The following ZNF320 variants were observed in gnomAD, a reference collection of about 807,000 sequenced individuals.
The protein encoded by ZNF320 is zinc finger protein 320, also known as zinc finger gene 320.
In ZNF320, 2 loss-of-function variants were observed where a neutral mutation model predicts 6.8. That is an observed-to-expected ratio of 0.29 (90% CI 0.12 to 0.93). The LOEUF (loss-of-function observed/expected upper bound fraction) is 0.93. Ranked by LOEUF, ZNF320 falls within the 40% of genes least tolerant of loss-of-function variation. ZNF320 has a pLI of 0.55. For missense variants in ZNF320, 472 were observed against 611.0 expected (o/e 0.77, Z 2.40); for synonymous variants, 208 against 203.2 (o/e 1.02, Z -0.20).
Position 52,880,610 on chromosome 19 carries a change from A to C in ZNF320, c.1516T>G (p.Ser506Ala), listed in dbSNP as rs752761166. Residue 506 changes from serine to alanine, a missense_variant, in exon 6 of 6, where the codon TCA becomes GCA. This residue lies in a region of ZNF320 where 462 missense variants were observed against 559.7 expected (regional missense o/e 0.83). Transcript: ENST00000682928. ...CFKCNEYSKP[S>A]SIN ...TGACTCTGATGTCAATTAATGCTTG[A>C]TGGTTTGCTATACTCATTGCACTTG... The C allele has an allele frequency of 6.2e-7, 1 of 1,600,314 alleles. No individual in the cohort carries two copies. Among genetic ancestry groups the C allele is most frequent in the African/African-American group, 1.3e-5 (1 of 74,520 alleles).
chr19:52,890,335 G>C lies in ZNF320; in HGVS notation c.-73-7C>G. 1 of 1,542,352 alleles carries C rather than the reference G, an allele frequency of 6.5e-7. No individual in the cohort carries two copies. Among genetic ancestry groups the C allele is most frequent in the Non-Finnish European group, 8.8e-7 (1 of 1,133,130 alleles). ...GAGTCTTTAGAAGTCAATCCTAAATGTTAGAAATATGTTGTTTATCACTGA... is the reference window on the plus strand; with the variant it reads ...GAGTCTTTAGAAGTCAATCCTAAATCTTAGAAATATGTTGTTTATCACTGA... On this transcript the variant is annotated splice_polypyrimidine_tract_variant and splice_region_variant and intron_variant, in intron 3 of 5. Coordinates refer to ENST00000682928, the MANE Select transcript of ZNF320 (RefSeq NM_001351774.2).
intron 2 of ZNF320, 92 bp downstream of exon 2, chr19:52,893,687 A>G (rs866174705): frequency 6.6e-6 from 1 of 152,232 alleles, no homozygotes; most frequent in Non-Finnish European, 1.5e-5. Flanking sequence ...ACTTCTGCAC[A>G]TACTTCAAAT....
At chr19:52,874,187 C>T (rs1221211488), downstream of ZNF320, 1 of 207,812 alleles carries the variant, frequency 4.8e-6, no homozygotes, top group Non-Finnish European at 9.9e-6. Flanking sequence ...CTGCTGCCCA[C>T]TACACCAGAG....
intron 5 of ZNF320, among the ~76,000 whole-genome samples, chr19:52,866,987 T>C (rs1440928483): frequency 6.6e-6 from 1 of 151,956 alleles, no homozygotes; most frequent in Non-Finnish European, 1.5e-5. Context: ...TATACACATA[T>C]TGCCCTTAGT....
rs2063862074 is a variant in ZNF320, at chr19:52,879,903, A to G, written c.*693T>C. 6.6e-6 allele frequency: 1 copy of G among 152,268 alleles called. No homozygotes were observed. Among genetic ancestry groups the G allele is most frequent in the African/African-American group, 2.4e-5 (1 of 41,476 alleles). The allele number at this position is 152,268 out of a possible 1,614,324, so 9.4% of individuals were successfully genotyped here. A position where few individuals can be genotyped will look rare whatever the true frequency, so the allele number is the denominator to read the frequency against. ...AAAAAGTTGAGAAGTTTCTACCTTCAAATCTACAAACATTGATCAAAGTGA... is the reference window on the plus strand; with the variant it reads ...AAAAAGTTGAGAAGTTTCTACCTTCGAATCTACAAACATTGATCAAAGTGA... On this transcript the variant is annotated 3_prime_UTR_variant, in exon 6 of 6. Coordinates refer to ENST00000682928, the MANE Select transcript of ZNF320 (RefSeq NM_001351774.2).
At chr19:52,896,134 C>T (rs2064463995) in intron 1 of ZNF320, among the ~76,000 whole-genome samples, 1 of 152,078 alleles carries the variant, frequency 6.6e-6, no homozygotes, top group South Asian at 2.1e-4. Context: ...CTCTGTCACC[C>T]CAGGCTGGAG....
intron 5 of ZNF320, chr19:52,864,196 A>G (rs750789025): frequency 4.7e-6 from 1 of 212,724 alleles, no homozygotes. Flanking sequence ...AACATTATGG[A>G]GGCGTTATCA....
rs2063905858 is a variant in ZNF320, at chr19:52,881,160, A to T, written c.966T>A (p.Val322=). ...QRATLAGHRR[V]HTGEKPYRCE... ...ATCTGTAAGGTTTCTCTCCAGTGTGAACTCTACGATGTCCTGCAAGAGTTG... is the reference window on the plus strand; with the variant it reads ...ATCTGTAAGGTTTCTCTCCAGTGTGTACTCTACGATGTCCTGCAAGAGTTG... Residue 322 remains valine (V), a synonymous_variant, in exon 6 of 6, where the codon GTT becomes GTA. Transcript: ENST00000682928. 1 of 1,613,990 alleles carries T rather than the reference A, an allele frequency of 6.2e-7. No homozygotes were observed.
At chr19:52,898,540 G>A (rs986781740), upstream of ZNF320, among the ~76,000 whole-genome samples, 7 of 152,200 alleles carry the variant, frequency 4.6e-5, no homozygotes, top group African/African-American at 1.7e-4. Flanking sequence ...CAGGGCTAGC[G>A]GCAGACAAAA....
chr19:52,870,693 G>A (rs2063665610), intron 5 of ZNF320, among the ~76,000 whole-genome samples: 2 of 151,982 alleles, frequency 1.3e-5, no homozygotes, highest in African/African-American at 4.8e-5. Flanking sequence ...TGTAATCCAG[G>A]AGGCAGAGGC....
Position 52,881,251 on chromosome 19 carries a change from T to C in ZNF320, c.875A>G (p.Lys292Arg), listed in dbSNP as rs889958638. ...FARNSVLVIH[K>R]AVHTAEKPYK... ...GGGTTTCTCTGCAGTATGAACTGCC[T>C]TATGAATTACGAGGACTGAATTTCG... Residue 292 changes from lysine to arginine, a missense_variant, in exon 6 of 6, where the codon AAG becomes AGG. Lys to Arg is a conservative substitution (Grantham distance 26). Coordinates refer to ENST00000682928, the MANE Select transcript of ZNF320 (RefSeq NM_001351774.2). The C allele has an allele frequency of 6.2e-7, 1 of 1,614,022 alleles. No individual in the cohort carries two copies. The highest frequency in any genetic ancestry group is 8.5e-7 in the Non-Finnish European group (1 of 1,180,038).
At chr19:52,890,795 A>C (rs1335336691) in intron 3 of ZNF320, among the ~76,000 whole-genome samples, 1 of 152,104 alleles carries the variant, frequency 6.6e-6, no homozygotes, top group Admixed American at 6.5e-5. Flanking sequence ...TGAGAGGATC[A>C]CTTGTGCTCA....
exon 6 of ZNF320, chr19:52,863,008 C>T (rs1042384624): frequency 1.2e-5 from 2 of 168,308 alleles, no homozygotes; most frequent in African/African-American, 4.8e-5. Flanking sequence ...AAGACACAAA[C>T]AAGTTGAAAG....
chr19:52,866,666 T>A (rs1016352493), intron 5 of ZNF320, among the ~76,000 whole-genome samples: 3 of 151,064 alleles, frequency 2.0e-5, no homozygotes, highest in Non-Finnish European at 4.4e-5. Context: ...AGGCCAGGAG[T>A]TTGAGACCAG....
chr19:52,884,444 A>G lies in ZNF320; in HGVS notation c.143-2461T>C, dbSNP rs112280925. Among the ~76,000 whole-genome samples, 1,468 of 152,126 alleles carry G rather than the reference A, an allele frequency of 9.6e-3. 12 individuals carry two copies. Among genetic ancestry groups the G allele is most frequent in the Middle Eastern group, 0.024 (7 of 294 alleles). ...GTGATTCTCCTGCCTCAGCCTCCCAAGTAGCTGGGATTATAGGCGCAAGTC... is the reference window on the plus strand; with the variant it reads ...GTGATTCTCCTGCCTCAGCCTCCCAGGTAGCTGGGATTATAGGCGCAAGTC... On this transcript the variant is annotated intron_variant, in intron 5 of 5. Coordinates refer to ENST00000682928, the MANE Select transcript of ZNF320 (RefSeq NM_001351774.2).
chr19:52,875,359 G>C (rs1248591926), downstream of ZNF320, among the ~76,000 whole-genome samples: 4 of 152,184 alleles, frequency 2.6e-5, no homozygotes, highest in Non-Finnish European at 5.9e-5. Context: ...GGAGAGGCCT[G>C]CAGGGGACAT....
chr19:52,880,802 T>C lies in ZNF320; in HGVS notation c.1324A>G (p.Lys442Glu). 2 of 1,613,954 alleles carry C rather than the reference T, an allele frequency of 1.2e-6. No individual in the cohort carries two copies. Among genetic ancestry groups the C allele is most frequent in the Non-Finnish European group, 8.5e-7 (1 of 1,179,844 alleles). ...RRIHTGEKPH[K>E]CGDCGKAFNS... ...AAGGCTTTACCACAATCACCACACT[T>C]GTGAGGTTTCTCTCCTGTATGAATC... The change falls in exon 6 of 6, where the codon AAG becomes GAG. Residue 442 changes from lysine (K) to glutamate (E), a missense_variant. Coordinates refer to ENST00000682928, the MANE Select transcript of ZNF320 (RefSeq NM_001351774.2).
intron 2 of ZNF320, among the ~76,000 whole-genome samples, chr19:52,892,702 CAT>C (rs1487503589): frequency 2.6e-5 from 4 of 152,076 alleles, no homozygotes; most frequent in East Asian, 3.9e-4. Flanking sequence ...CCTCTTCTCC[CAT>C]CTCTGTGCAT....
chr19:52,881,466 A>G lies in ZNF320; in HGVS notation c.660T>C (p.Asn220=). ...IHRGDKHYTC[N]ECGKVFDQKA... is the part of the protein sequence containing the mutation. ...TTTGATCAAAAACCTTGCCACATTC[A>G]TTACATGTGTAATGTTTGTCTCCCC... Residue 220 remains asparagine, a synonymous_variant, in exon 6 of 6, where the codon AAT becomes AAC. Transcript: ENST00000682928. The G allele has an allele frequency of 3.1e-6, 5 of 1,614,134 alleles. No individual in the cohort carries two copies. The highest frequency in any genetic ancestry group is 4.2e-6 in the Non-Finnish European group (5 of 1,180,024).
Sources: allele counts gnomAD v4.1 joint callset (sites outside exome capture counted in the v4.1 genomes callset), GRCh38; gene constraint gnomAD v4.1.1; regional missense constraint gnomAD v4.1.1; transcripts MANE v1.5; gene names NCBI Gene and HGNC (gene_info 2026-07-23, HGNC 2026-07-21).